TDRD7: variants seen among roughly 807,000 people sequenced by gnomAD.
TDRD7 encodes tudor domain-containing protein 7.
A neutral mutation model predicts 109.8 loss-of-function variants in TDRD7; 47 were observed. The observed-to-expected ratio is 0.43, with a 90% confidence interval of 0.34 to 0.55. TDRD7 has a LOEUF of 0.55. TDRD7 is among the 20% of genes least tolerant of loss of function. The pLI is 0.03. For missense variants in TDRD7, 1,164 were observed against 1,319.2 expected, an observed-to-expected ratio of 0.88 and a Z score of 1.82; for synonymous variants, 424 against 457.3, an observed-to-expected ratio of 0.93 and a Z score of 0.93.
intron 1 of TDRD7, among the ~76,000 whole-genome samples, chr9:97,417,272 C>T (rs899451249): frequency 1.3e-5 from 2 of 152,070 alleles, no homozygotes; most frequent in African/African-American, 2.4e-5. Context: ...TTATGCAGGG[C>T]CCTTTTTGGC....
At position 97,412,672 on chromosome 9, in the gene TDRD7, A is replaced by G. The variant is rs934786916; in HGVS notation, c.-7+434A>G. On this transcript the variant is annotated intron_variant, in intron 1 of 16. Transcript: ENST00000355295. This position sits in a 1 kb window ranked among gnomAD's most constrained non-coding sequence, Gnocchi z 4.3. ...CAGCGAGGGATGTCCGCGCTCCCCT[A>G]TTTGAACCCAAGTATTTTACACCAC... is the stretch of plus-strand genomic sequence containing the variant. Among the ~76,000 whole-genome samples the G allele has an allele frequency of 6.6e-6, 1 of 152,186 alleles. No individual in the cohort carries two copies. Among genetic ancestry groups the G allele is most frequent in the African/African-American group, 2.4e-5 (1 of 41,448 alleles).
Position 97,495,938 on chromosome 9 carries a change from G to T in TDRD7, c.*55G>T. The T allele has an allele frequency of 6.9e-7, 1 of 1,450,534 alleles. No homozygotes were observed. The highest frequency in any genetic ancestry group is 9.7e-7 in the Non-Finnish European group (1 of 1,033,308). The allele number at this position is 1,450,534 out of a possible 1,614,324, so 89.9% of individuals were successfully genotyped here. A position where few individuals can be genotyped will look rare whatever the true frequency, so the allele number is the denominator to read the frequency against. On this transcript the variant is annotated 3_prime_UTR_variant, in exon 17 of 17. Transcript: ENST00000355295. ...TCAGATTTTTTAGCAATAACAAAAT[G>T]TAGTAGGCTTAAAAAAAATCTTAAC...
rs3922742 is a variant in TDRD7, at chr9:97,447,394, C to T, written c.855+5519C>T. ...GAATTAGATAAAATATATAAAGCAG[C>T]TATTAATGTGGTATCAGAAACATAA... On this transcript the variant is annotated intron_variant, in intron 6 of 16. Coordinates refer to ENST00000355295, the MANE Select transcript of TDRD7 (RefSeq NM_014290.3). Among the ~76,000 whole-genome samples, 3 of 152,228 alleles carry T rather than the reference C, an allele frequency of 2.0e-5. No individual in the cohort carries two copies. The East Asian group carries it at 5.8e-4, about 29-fold the overall frequency.
chr9:97,429,916 T>G (rs768370065), intron 2 of TDRD7, among the ~76,000 whole-genome samples: 6 of 152,230 alleles, frequency 3.9e-5, no homozygotes, highest in South Asian at 4.1e-4. Context: ...TCCCCTGTTT[T>G]GGACATTTTA....
rs916392381 is a variant in TDRD7, at chr9:97,494,147, A to G, written c.3077-1516A>G. ...GATAAGTGTCCATGAAATCTTCACA[A>G]TTTATGTTCAGAGATTGCAGTAAAG... On this transcript the variant is annotated intron_variant, in intron 16 of 16. Transcript: ENST00000355295. 2.0e-5 allele frequency among the ~76,000 whole-genome samples: 3 copies of G among 152,356 alleles called. No homozygotes were observed. In the East Asian group the frequency reaches 5.8e-4, roughly 29 times the overall value.
rs141309132 is a variant in TDRD7 at position 97,489,506 on chromosome 9, C to T, written c.3076+2174C>T. On this transcript the variant is annotated intron_variant, in intron 16 of 16. Transcript: ENST00000355295. Reference sequence around the variant, plus strand: ...AGTGTTAACGTGGTATATCTTTCTCCATCCCTTTACTTTTACTCTATATGT... The same window carrying T: ...AGTGTTAACGTGGTATATCTTTCTCTATCCCTTTACTTTTACTCTATATGT... Among the ~76,000 whole-genome samples, 493 of 152,270 alleles carry T rather than the reference C, an allele frequency of 3.2e-3. 3 individuals carry two copies. Among genetic ancestry groups the T allele is most frequent in the African/African-American group, 0.011 (477 of 41,552 alleles).
chr9:97,437,981 T>C (rs987494942), intron 4 of TDRD7, among the ~76,000 whole-genome samples: 6 of 152,154 alleles, frequency 3.9e-5, no homozygotes, highest in African/African-American at 1.4e-4. Flanking sequence ...AGTAGACCTC[T>C]TGATGACTGA....
chr9:97,488,358 C>G (rs979281885), intron 16 of TDRD7, among the ~76,000 whole-genome samples: 8 of 152,152 alleles, frequency 5.3e-5, no homozygotes, highest in African/African-American at 1.9e-4. Flanking sequence ...TATATAGGTT[C>G]TTCTTTTACT....
intron 7 of TDRD7, among the ~76,000 whole-genome samples, chr9:97,462,139 T>C (rs570744695): frequency 6.6e-6 from 1 of 152,340 alleles, no homozygotes; most frequent in East Asian, 1.9e-4. Flanking sequence ...AAGGCCACAT[T>C]ACCACCTTTT....
chr9:97,424,201 G>A (rs1827948130), intron 1 of TDRD7, among the ~76,000 whole-genome samples: 2 of 151,516 alleles, frequency 1.3e-5, no homozygotes, highest in Admixed American at 6.6e-5. Context: ...TTACAGGCAC[G>A]AACCACCACG....
At position 97,494,340 on chromosome 9, in the gene TDRD7, T is replaced by C. The variant is rs1186049914; in HGVS notation, c.3077-1323T>C. On this transcript the variant is annotated intron_variant, in intron 16 of 16. Coordinates refer to ENST00000355295, the MANE Select transcript of TDRD7 (RefSeq NM_014290.3). The stretch of plus-strand genomic sequence containing the variant: ...TGCTTCATTACATCTGGCCTTGACC[T>C]GGGCATTCTTTGCATCAGTGCACCA... 5.9e-5 allele frequency among the ~76,000 whole-genome samples: 9 copies of C among 152,362 alleles called. No homozygotes were observed. The South Asian group carries it at 1.9e-3, about 32-fold the overall frequency.
chr9:97,472,381 C>T lies in TDRD7; in HGVS notation c.1830C>T (p.Asp610=), dbSNP rs1462907693. The change falls in exon 10 of 17, where the codon GAC becomes GAT. Residue 610 remains aspartate (D), a synonymous_variant. Coordinates refer to ENST00000355295, the MANE Select transcript of TDRD7 (RefSeq NM_014290.3). Reference sequence around the variant, plus strand: ...AGATCTTTGCAGTGGAAATACTTGACAAAGCTGACATTCCACTTGTTGTTC... The same window carrying T: ...AGATCTTTGCAGTGGAAATACTTGATAAAGCTGACATTCCACTTGTTGTTC... ...CGKIFAVEIL[D]KADIPLVVLY... is the part of the protein sequence containing the mutation. 2.5e-6 allele frequency: 4 copies of T among 1,613,832 alleles called. No individual in the cohort carries two copies. The highest frequency in any genetic ancestry group is 1.7e-6 in the Non-Finnish European group (2 of 1,179,844).
At chr9:97,429,393 C>A (rs1263465451) in intron 2 of TDRD7, among the ~76,000 whole-genome samples, 3 of 152,082 alleles carry the variant, frequency 2.0e-5, no homozygotes, top group Non-Finnish European at 2.9e-5. Context: ...GAAACAAAAA[C>A]ACCCACACCC....
chr9:97,433,231 G>T (rs1359077392), intron 4 of TDRD7, among the ~76,000 whole-genome samples: 1 of 151,834 alleles, frequency 6.6e-6, no homozygotes, highest in Non-Finnish European at 1.5e-5. Flanking sequence ...TTTTAAAAAA[G>T]TTAGGTAGAG....
At chr9:97,456,263 A>G (rs1261716058) in intron 6 of TDRD7, among the ~76,000 whole-genome samples, 12 of 152,244 alleles carry the variant, frequency 7.9e-5, no homozygotes, top group Admixed American at 7.9e-4. Context: ...AGTGATTTCT[A>G]GATTAAATGC....
chr9:97,441,148 A>T (rs1828296434), intron 5 of TDRD7, among the ~76,000 whole-genome samples: 1 of 152,198 alleles, frequency 6.6e-6, no homozygotes, highest in African/African-American at 2.4e-5. Flanking sequence ...TTTTCCATTA[A>T]TAAAGGTGAA....
At chr9:97,490,909 C>CTTTT (rs1174656625) in intron 16 of TDRD7, among the ~76,000 whole-genome samples, 128 of 77,662 alleles carry the variant, frequency 1.6e-3, no homozygotes, top group East Asian at 3.4e-3. Context: ...CTTTTCTTTT[C>CTTTT]TTTTTTTTTT....
At chr9:97,422,657 C>T (rs1564193139) in intron 1 of TDRD7, among the ~76,000 whole-genome samples, 2 of 152,286 alleles carry the variant, frequency 1.3e-5, no homozygotes, top group East Asian at 3.9e-4. Flanking sequence ...ATGATGTTAA[C>T]TGTGGGTTTT....
At position 97,495,811 on chromosome 9, in the gene TDRD7, G is replaced by A. The variant is rs746466941; in HGVS notation, c.3225G>A (p.Ser1075=). The A allele has an allele frequency of 1.4e-5, 23 of 1,614,172 alleles. No homozygotes were observed. The highest frequency in any genetic ancestry group is 1.6e-4 in the Middle Eastern group (1 of 6,062). The change falls in exon 17 of 17, where the codon TCG becomes TCA. Residue 1075 remains serine, a synonymous_variant. Transcript: ENST00000355295. ...TAGTGGTCTACTTAGTGGACACATC[G>A]TTGCCAGACACCGATACCTGGATTC... is the stretch of plus-strand genomic sequence containing the variant. ...RKVVVYLVDT[S]LPDTDTWIHD...
Sources: allele counts gnomAD v4.1 joint callset (sites outside exome capture counted in the v4.1 genomes callset), GRCh38; gene constraint gnomAD v4.1.1; non-coding constraint Gnocchi (gnomAD v3.1); transcripts MANE v1.5; gene names NCBI Gene and HGNC (gene_info 2026-07-23, HGNC 2026-07-21).